Variants in CYP39A1 observed in about 807,000 individuals in gnomAD.
CYP39A1 encodes 24-hydroxycholesterol 7-alpha-hydroxylase.
In CYP39A1, 49 loss-of-function variants were observed where a neutral mutation model predicts 58.1. That is an observed-to-expected ratio of 0.84 (90% confidence interval 0.67 to 1.07). The LOEUF (loss-of-function observed/expected upper bound fraction) is 1.07, where lower values mean the gene tolerates loss of function less well. CYP39A1 is among the 50% of genes least tolerant of loss of function. The probability of loss-of-function intolerance (pLI) is 0.00; values close to 1 mark genes in which losing one functional copy is unlikely to be tolerated. For synonymous variants in CYP39A1, 209 were observed against 187.6 expected (o/e 1.11, Z -0.93); for missense variants, 531 against 539.4 (o/e 0.98, Z 0.16).
Position 46,637,961 on chromosome 6 carries a change from A to G in CYP39A1, c.506T>C (p.Val169Ala). The G allele has an allele frequency of 2.5e-6, 4 of 1,610,508 alleles. No individual in the cohort carries two copies. The South Asian group carries it at 4.4e-5, about 18-fold the overall frequency. Reference sequence around the variant, plus strand: ...TTTATTAAAGAGCATATTCACTGTGACTGGATAAAGGAGATGTCTACAAAG... The same window carrying G: ...TTTATTAAAGAGCATATTCACTGTGGCTGGATAAAGGAGATGTCTACAAAG... ...NNLVRHLLYP[V>A]TVNMLFNKSL... The change falls in exon 4 of 12, where the codon GTC (valine) becomes GCC (alanine). Residue 169 changes from valine (V) to alanine (A), a missense_variant. By Grantham distance (64) the Val-to-Ala change is moderately conservative. Transcript: ENST00000275016.
intron 6 of CYP39A1, among the ~76,000 whole-genome samples, chr6:46,627,199 G>C (rs1775364116): frequency 6.6e-6 from 1 of 152,134 alleles, no homozygotes; most frequent in African/African-American, 2.4e-5. Flanking sequence ...CCTCCCACCA[G>C]GTCCCTCCCT....
chr6:46,644,268 A>G lies in CYP39A1; in HGVS notation c.178-1970T>C, dbSNP rs1406063550. ...GGGGACTGGCTTTTCATTCAGTGTA[A>G]TTCTCTGAATGTTCATCCAAATTGT... is the stretch of plus-strand genomic sequence containing the variant. On this transcript the variant is annotated intron_variant, in intron 1 of 11. Coordinates refer to ENST00000275016, the MANE Select transcript of CYP39A1 (RefSeq NM_016593.5). 4.6e-5 allele frequency among the ~76,000 whole-genome samples: 7 copies of G among 152,174 alleles called. No individual in the cohort carries two copies. The East Asian group carries it at 1.2e-3, about 25-fold the overall frequency.
chr6:46,649,154 GT>G (rs1311769009), intron 1 of CYP39A1, among the ~76,000 whole-genome samples: 4 of 152,238 alleles, frequency 2.6e-5, no homozygotes, highest in Non-Finnish European at 4.4e-5. Flanking sequence ...AGCTGACACG[GT>G]TGGTGGCAGA....
intron 5 of CYP39A1, among the ~76,000 whole-genome samples, chr6:46,634,801 C>G (rs973872391): frequency 6.6e-6 from 1 of 152,082 alleles, no homozygotes; most frequent in African/African-American, 2.4e-5. Context: ...GGATTACAGG[C>G]GTGAGCCACA....
intron 7 of CYP39A1, among the ~76,000 whole-genome samples, chr6:46,623,468 A>G (rs1405265152): frequency 6.6e-6 from 1 of 152,098 alleles, no homozygotes; most frequent in Non-Finnish European, 1.5e-5. Context: ...ATGACAGATG[A>G]GTATTTGAAT....
chr6:46,550,629 G>T (rs1349218452), intron 11 of CYP39A1, among the ~76,000 whole-genome samples, 192 bp from the exon 12 acceptor site: 1 of 152,132 alleles, frequency 6.6e-6, no homozygotes, highest in Non-Finnish European at 1.5e-5. Flanking sequence ...AGAAGAAAAA[G>T]AATACAATTC....
At chr6:46,631,664 T>A (rs952698396) in intron 5 of CYP39A1, among the ~76,000 whole-genome samples, 1 of 152,140 alleles carries the variant, frequency 6.6e-6, no homozygotes, top group Non-Finnish European at 1.5e-5. Flanking sequence ...TCTCAGCCCA[T>A]TCACCATGGG....
intron 1 of CYP39A1, among the ~76,000 whole-genome samples, chr6:46,646,348 T>A (rs1270101590): frequency 1.3e-5 from 2 of 152,154 alleles, no homozygotes; most frequent in African/African-American, 4.8e-5. Flanking sequence ...TTGAATTTTG[T>A]CAAATGCTTT....
chr6:46,610,840 A>G (rs1049429950), intron 7 of CYP39A1, among the ~76,000 whole-genome samples: 1 of 152,174 alleles, frequency 6.6e-6, no homozygotes, highest in Non-Finnish European at 1.5e-5. Flanking sequence ...TAAAACATAC[A>G]TATTTTAAAA....
At position 46,652,803 on chromosome 6, in the gene CYP39A1, A is replaced by G; in HGVS notation, c.-221T>C. The G allele has an allele frequency of 2.0e-6, 1 of 489,952 alleles. No homozygotes were observed. The highest frequency in any genetic ancestry group is 3.5e-5 in the South Asian group (1 of 28,192). The allele number at this position is 489,952 out of a possible 1,614,324, so 30.4% of individuals were successfully genotyped here. A position where few individuals can be genotyped will look rare whatever the true frequency, so the allele number is the denominator to read the frequency against. ...CTCCACTTCTCTTTGAATCTCAGCCAGCGCGGAAAAAATGCAAGGAGGGGC... is the reference window on the plus strand; with the variant it reads ...CTCCACTTCTCTTTGAATCTCAGCCGGCGCGGAAAAAATGCAAGGAGGGGC... On this transcript the variant is annotated 5_prime_UTR_variant, in exon 1 of 12. Coordinates refer to ENST00000275016, the MANE Select transcript of CYP39A1 (RefSeq NM_016593.5).
At chr6:46,575,057 C>T (rs1771781141) in intron 10 of CYP39A1, among the ~76,000 whole-genome samples, 1 of 152,016 alleles carries the variant, frequency 6.6e-6, no homozygotes. Flanking sequence ...CATTTCTGGG[C>T]CCAAGAGCCT....
At chr6:46,574,097 G>C (rs1486068182) in intron 10 of CYP39A1, among the ~76,000 whole-genome samples, 1 of 152,196 alleles carries the variant, frequency 6.6e-6, no homozygotes, top group African/African-American at 2.4e-5. Context: ...GCAGCTCAGT[G>C]ATGTTGCCAT....
At chr6:46,630,571 A>G (rs1273208456) in intron 6 of CYP39A1, among the ~76,000 whole-genome samples, 2 of 152,130 alleles carry the variant, frequency 1.3e-5, no homozygotes, top group Non-Finnish European at 2.9e-5. Flanking sequence ...GAAACTATCC[A>G]TTTACTTACT....
intron 1 of CYP39A1, among the ~76,000 whole-genome samples, chr6:46,650,987 G>T (rs1762650090): frequency 6.6e-6 from 1 of 152,162 alleles, no homozygotes; most frequent in South Asian, 2.1e-4. Flanking sequence ...TCATCTATCA[G>T]ACTAGCAAAA....
chr6:46,570,505 T>C (rs1316967681), intron 10 of CYP39A1, among the ~76,000 whole-genome samples: 2 of 152,172 alleles, frequency 1.3e-5, no homozygotes, highest in East Asian at 3.9e-4. Context: ...TGATGCATTC[T>C]GTAAGCTTTG....
Position 46,629,545 on chromosome 6 carries a change from G to A in CYP39A1, c.840+1418C>T, listed in dbSNP as rs536535635. On this transcript the variant is annotated intron_variant, in intron 6 of 11. Coordinates refer to ENST00000275016, the MANE Select transcript of CYP39A1 (RefSeq NM_016593.5). Reference sequence around the variant, plus strand: ...ATTCCACTGGCTAACATACCTTTGAGAAAAGAGGCCAGAATTTCTATCCCT... The same window carrying A: ...ATTCCACTGGCTAACATACCTTTGAAAAAAGAGGCCAGAATTTCTATCCCT... Among the ~76,000 whole-genome samples the A allele has an allele frequency of 2.0e-5, 3 of 152,256 alleles. No individual in the cohort carries two copies. In the South Asian group the frequency reaches 6.2e-4, roughly 32 times the overall value.
intron 10 of CYP39A1, among the ~76,000 whole-genome samples, chr6:46,580,741 T>G (rs1346227633): frequency 6.6e-6 from 1 of 151,936 alleles, no homozygotes; most frequent in African/African-American, 2.4e-5. Context: ...AACAAGTATA[T>G]AAAAAACTGT....
chr6:46,620,358 T>C (rs960751881), intron 7 of CYP39A1, among the ~76,000 whole-genome samples: 11 of 152,186 alleles, frequency 7.2e-5, no homozygotes, highest in African/African-American at 2.7e-4. Flanking sequence ...CAAGACTGTC[T>C]TTATTTGACA....
intron 7 of CYP39A1, among the ~76,000 whole-genome samples, chr6:46,603,702 A>G (rs1023749461): frequency 2.0e-5 from 3 of 152,066 alleles, no homozygotes; most frequent in African/African-American, 7.2e-5. Context: ...TGGTTTACTC[A>G]CTCGTTTACA....
Sources: allele counts gnomAD v4.1 joint callset (sites outside exome capture counted in the v4.1 genomes callset), GRCh38; gene constraint gnomAD v4.1.1; transcripts MANE v1.5; gene names NCBI Gene and HGNC (gene_info 2026-07-23, HGNC 2026-07-21).